LMF1: variants seen among roughly 807,000 people sequenced by gnomAD.
The protein encoded by LMF1 is transmembrane protein 112.
In LMF1, 68 loss-of-function variants were observed where a neutral mutation model predicts 60.6. The observed-to-expected ratio is 1.12, with a 90% CI of 0.92 to 1.37. The LOEUF is 1.37. Ranked by LOEUF, LMF1 falls within the 40% of genes most tolerant of loss-of-function variation. LMF1 has a pLI of 0.00. For missense variants in LMF1, 948 were observed against 767.2 expected, an observed-to-expected ratio of 1.24 and a Z score of -2.78; for synonymous variants, 418 against 324.7, an observed-to-expected ratio of 1.29 and a Z score of -3.09.
chr16:891,365 T>G (rs1471917082), intron 5 of LMF1, among the ~76,000 whole-genome samples: 1 of 152,196 alleles, frequency 6.6e-6, no homozygotes. Context: ...GGCTTTGAAA[T>G]GCAGCCACTC....
chr16:860,109 T>G (rs1209513229), intron 10 of LMF1, among the ~76,000 whole-genome samples: 1 of 151,598 alleles, frequency 6.6e-6, no homozygotes, highest in Non-Finnish European at 1.5e-5. Context: ...AGTATTAAGT[T>G]ATGAAACTTC....
At chr16:912,332 A>G (rs2071146823) in intron 3 of LMF1, among the ~76,000 whole-genome samples, 2 of 152,118 alleles carry the variant, frequency 1.3e-5, no homozygotes, top group South Asian at 4.2e-4. Flanking sequence ...AGGACGGGAG[A>G]GTGCAGAGGG....
At chr16:895,450 C>T (rs1036667702) in intron 4 of LMF1, among the ~76,000 whole-genome samples, 5 of 152,182 alleles carry the variant, frequency 3.3e-5, no homozygotes, top group Admixed American at 6.5e-5. Context: ...GGAGGGCCTT[C>T]GGGGCGGCCG....
chr16:974,487 C>A (rs2073098736), upstream of LMF1, among the ~76,000 whole-genome samples: 1 of 152,200 alleles, frequency 6.6e-6, no homozygotes, highest in Non-Finnish European at 1.5e-5. Context: ...CACCCCAGGG[C>A]TGCCCGGTGC....
intron 1 of LMF1, among the ~76,000 whole-genome samples, chr16:960,282 C>G (rs555489266): frequency 8.8e-4 from 130 of 148,308 alleles, no homozygotes; most frequent in Non-Finnish European, 1.8e-3. Context: ...TGGATCATAA[C>G]CCAGACAAAG....
At chr16:967,796 C>T (rs1374140332) in intron 1 of LMF1, among the ~76,000 whole-genome samples, 1 of 152,208 alleles carries the variant, frequency 6.6e-6, no homozygotes, top group East Asian at 1.9e-4. Flanking sequence ...AACTCCAGGG[C>T]CTACGGACAA....
Position 860,015 on chromosome 16 carries a change from A to T in LMF1, c.1530-5309T>A, listed in dbSNP as rs117920489. 7.0e-3 allele frequency among the ~76,000 whole-genome samples: 1,058 copies of T among 151,706 alleles called. 15 individuals carry two copies. Among genetic ancestry groups the T allele is most frequent in the South Asian group, 0.038 (182 of 4,822 alleles). On this transcript the variant is annotated intron_variant, in intron 10 of 10. Transcript: ENST00000262301. ...TGGTGGTTTTTGCTTCTCTAATGAC[A>T]GGCATTTCTCCTGAGCTTATCTGTC...
intron 10 of LMF1, among the ~76,000 whole-genome samples, chr16:857,313 C>T (rs2069216959): frequency 6.6e-6 from 1 of 152,250 alleles, no homozygotes; most frequent in Non-Finnish European, 1.5e-5. Context: ...CTTCGGGTGT[C>T]CTTTTTGAGG....
intron 4 of LMF1, among the ~76,000 whole-genome samples, chr16:894,225 G>A (rs12931496): frequency 0.18 from 95 of 534 alleles, 1 homozygote; most frequent in Middle Eastern, 0.5. Flanking sequence ...TGGACTGTCC[G>A]CCCACCCGTC....
intron 5 of LMF1, 109 bp from the exon 6 acceptor site, chr16:879,846 G>A (rs2070112776): frequency 9.8e-7 from 1 of 1,022,294 alleles, no homozygotes; most frequent in Non-Finnish European, 1.4e-6. Flanking sequence ...CTGCACACAG[G>A]ATCCCCCCGG....
chr16:973,385 C>T (rs1381544229), upstream of LMF1, among the ~76,000 whole-genome samples: 1 of 152,158 alleles, frequency 6.6e-6, no homozygotes, highest in African/African-American at 2.4e-5. Flanking sequence ...CCAGTTCTGA[C>T]ACGTGCTACA....
Position 859,170 on chromosome 16 carries a change from G to T in LMF1, c.1530-4464C>A, listed in dbSNP as rs1216563539. 2.6e-3 allele frequency among the ~76,000 whole-genome samples: 343 copies of T among 130,962 alleles called. 1 individual carries two copies. The highest frequency in any genetic ancestry group is 0.012 in the African/African-American group (325 of 27,302). The allele number at this position is 130,962 out of a possible 152,430, so 85.9% of individuals were successfully genotyped here. A position where few individuals can be genotyped will look rare whatever the true frequency, so the allele number is the denominator to read the frequency against. On this transcript the variant is annotated intron_variant, in intron 10 of 10. Coordinates refer to ENST00000262301, the MANE Select transcript of LMF1 (RefSeq NM_022773.4). ...CGGGTGTGCAGTGGTGTCTCGGGACGGGTGTGAGTGGTGTCTCGGGACGGG... is the reference window on the plus strand; with the variant it reads ...CGGGTGTGCAGTGGTGTCTCGGGACTGGTGTGAGTGGTGTCTCGGGACGGG...
At chr16:862,090 T>A (rs1453469424) in intron 10 of LMF1, among the ~76,000 whole-genome samples, 3 of 152,186 alleles carry the variant, frequency 2.0e-5, no homozygotes, top group African/African-American at 7.2e-5. Context: ...GATTCTCAAA[T>A]ACGGAACCAA....
At chr16:854,899 C>G (rs1464741670) in intron 10 of LMF1, 193 bp from the exon 11 acceptor site, 2 of 637,550 alleles carry the variant, frequency 3.1e-6, no homozygotes, top group Admixed American at 4.7e-5. Flanking sequence ...AGTCGGCACC[C>G]TCAGCAGTGA....
chr16:945,481 G>A (rs554986574), intron 2 of LMF1, among the ~76,000 whole-genome samples: 72 of 151,810 alleles, frequency 4.7e-4, no homozygotes, highest in Middle Eastern at 6.8e-3. Flanking sequence ...GGCTGTGACT[G>A]TGTGACTGCA....
At chr16:910,677 T>A (rs549087842) in intron 4 of LMF1, among the ~76,000 whole-genome samples, 4 of 152,238 alleles carry the variant, frequency 2.6e-5, no homozygotes, top group Admixed American at 2.6e-4. Flanking sequence ...AGTCTCCTCC[T>A]GAAACAGACT....
chr16:959,748 C>T (rs867918422), intron 1 of LMF1, among the ~76,000 whole-genome samples: 2 of 152,020 alleles, frequency 1.3e-5, no homozygotes, highest in South Asian at 2.1e-4. Context: ...CGCACGTGCA[C>T]CAGGGCTGAG....
chr16:866,188 T>G (rs972012626), intron 10 of LMF1, among the ~76,000 whole-genome samples: 2 of 152,214 alleles, frequency 1.3e-5, no homozygotes, highest in African/African-American at 2.4e-5. Flanking sequence ...AAACTGAACA[T>G]TTTGTGTATT....
intron 3 of LMF1, among the ~76,000 whole-genome samples, chr16:925,011 G>A (rs559719526): frequency 3.3e-5 from 5 of 152,304 alleles, no homozygotes; most frequent in South Asian, 4.1e-4. Context: ...GGGGAGGAGC[G>A]GGTGCAGTCA....
Sources: gnomAD v4.1 joint callset for allele counts (sites outside exome capture counted in the v4.1 genomes callset) on GRCh38, gnomAD v4.1.1 for gene constraint, MANE v1.5 for transcripts, NCBI Gene and HGNC (gene_info 2026-07-23, HGNC 2026-07-21) for gene names.